The following INTS6L variants were observed in gnomAD, a reference collection of about 807,000 sequenced individuals.
INTS6L encodes integrator complex subunit 6-like.
INTS6L carries 18 observed loss-of-function variants against 64.7 expected under a neutral mutation model. The ratio of observed to expected loss-of-function variants is 0.28; its 90% confidence interval spans 0.19 to 0.41. The LOEUF (loss-of-function observed/expected upper bound fraction) is 0.41. INTS6L is among the 10% of genes least tolerant of loss of function. INTS6L has a pLI of 1.00. For missense variants in INTS6L, 533 were observed against 661.0 expected, an observed-to-expected ratio of 0.81 and a Z score of 2.12; for synonymous variants, 227 against 235.9, an observed-to-expected ratio of 0.96 and a Z score of 0.34.
At position 135,549,730 on chromosome X, in the gene INTS6L, C is replaced by T. The variant is rs1275760835; in HGVS notation, c.831C>T (p.Asn277=). ...SCHKLIYVRP[N]SKTGVPVGHW... ...ATAAACTCATTTATGTACGACCTAA[C>T]TCTAAAACTGGTGTTCCTGTTGGAC... is the stretch of plus-strand genomic sequence containing the variant. The change falls in exon 7 of 18, where the codon AAC becomes AAT. Residue 277 remains asparagine, a synonymous_variant. Transcript: ENST00000639893. 6.6e-6 allele frequency: 8 copies of T among 1,210,737 alleles called. No individual in the cohort carries two copies. The highest frequency in any genetic ancestry group is 7.8e-6 in the Non-Finnish European group (7 of 895,253).
intron 9 of INTS6L, among the ~76,000 whole-genome samples, chrX:135,558,568 A>G (rs1232661485): frequency 1.8e-5 from 2 of 111,339 alleles, no homozygotes; most frequent in African/African-American, 6.5e-5. Flanking sequence ...ATGAGGTATT[A>G]AAAGTAGTCA....
At chrX:135,544,829 AC>A (rs1449034060) in intron 2 of INTS6L, among the ~76,000 whole-genome samples, 2 of 111,310 alleles carry the variant, frequency 1.8e-5, no homozygotes, top group Non-Finnish European at 3.8e-5. Flanking sequence ...CTTTGCCAAA[AC>A]TTTTTGTTTC....
In INTS6L at chrX:135,574,082, CTT is replaced by C. The variant is rs781864864; in HGVS notation, c.1741+34_1741+35del. 3,715 of 993,188 alleles carry C rather than the reference CTT, an allele frequency of 3.7e-3. No individual in the cohort carries two copies. Among genetic ancestry groups the C allele is most frequent in the Admixed American group, 0.011 (339 of 29,711 alleles). 81.8% of individuals were successfully genotyped at this position (993,188 alleles called of 1,213,427 possible). A position where few individuals can be genotyped will look rare whatever the true frequency, so the allele number is the denominator to read the frequency against. On this transcript the variant is annotated intron_variant, in intron 13 of 17. Coordinates refer to ENST00000639893, the MANE Select transcript of INTS6L (RefSeq NM_001351601.3). ...ATGAAGGTAAAATAACTGTGAAATA[CTT>C]TTTTTTTTTTTTTGGAAAATGCCAG...
In INTS6L at chrX:135,552,111, A is replaced by G; in HGVS notation, c.1024A>G (p.Ile342Val). ...TGAACCTTCGCCCTTAACTCAGTAT[A>G]TCTTGGAACGAAAGTCTCCCCATAC... Reference protein sequence around the residue: ...ELEPSPLTQYILERKSPHTCW... With the variant: ...ELEPSPLTQYVLERKSPHTCW... The change falls in exon 8 of 18, where the codon ATC becomes GTC. Residue 342 changes from isoleucine to valine, a missense_variant. Physicochemically the swap from Ile to Val is conservative, Grantham distance 29. Transcript: ENST00000639893. 2.5e-6 allele frequency: 3 copies of G among 1,203,982 alleles called. No homozygotes were observed. Among genetic ancestry groups the G allele is most frequent in the Non-Finnish European group, 3.4e-6 (3 of 893,188 alleles).
chrX:135,572,718 G>T (rs2148669704), intron 11 of INTS6L, 97 bp from the exon 12 acceptor site: 4 of 703,257 alleles, frequency 5.7e-6, no homozygotes, highest in African/African-American at 2.2e-5. Flanking sequence ...ATTGAAAATT[G>T]TTCTGTGGGG....
chrX:135,533,362 A>G (rs1030389367), intron 2 of INTS6L, among the ~76,000 whole-genome samples: 5 of 112,338 alleles, frequency 4.5e-5, no homozygotes, highest in Non-Finnish European at 9.4e-5. Flanking sequence ...TACCACGTAA[A>G]AAGTAGCTCA....
intron 2 of INTS6L, among the ~76,000 whole-genome samples, chrX:135,542,660 CATT>C (rs1456285959): frequency 8.9e-6 from 1 of 111,930 alleles, no homozygotes; most frequent in Non-Finnish European, 1.9e-5. Context: ...GATAAGGACA[CATT>C]ATTTTAAATA....
chrX:135,539,189 G>A (rs993025296), intron 2 of INTS6L, among the ~76,000 whole-genome samples: 5 of 112,370 alleles, frequency 4.4e-5, no homozygotes, highest in African/African-American at 9.7e-5. Flanking sequence ...ATAGAAGTCC[G>A]CTTCATCTAC....
In INTS6L at chrX:135,546,199, T is replaced by A. The variant is rs781891215; in HGVS notation, c.340-181T>A. On this transcript the variant is annotated intron_variant, in intron 3 of 17. Coordinates refer to ENST00000639893, the MANE Select transcript of INTS6L (RefSeq NM_001351601.3). ...TAAGAATTCCTCAGTTTATACTGAA[T>A]GTTACCTCTTCAGGGGTTGTTATTT... 4.6e-4 allele frequency among the ~76,000 whole-genome samples: 52 copies of A among 112,406 alleles called. No individual in the cohort carries two copies. The Admixed American group carries it at 4.8e-3, about 10-fold the overall frequency.
Position 135,546,827 on chromosome X carries a change from A to G in INTS6L, c.555A>G (p.Gln185=), listed in dbSNP as rs1189583704. Reference sequence around the variant, plus strand: ...GAGTGGCTTCTACCGAACCAGAGCAACTAGGGAGCGTACCAACTGATGAAT... The same window carrying G: ...GAGTGGCTTCTACCGAACCAGAGCAGCTAGGGAGCGTACCAACTGATGAAT... ...LPGVASTEPE[Q]LGSVPTDESA... is the part of the protein sequence containing the mutation. Residue 185 remains glutamine, a synonymous_variant, in exon 5 of 18, where the codon CAA becomes CAG. Coordinates refer to ENST00000639893, the MANE Select transcript of INTS6L (RefSeq NM_001351601.3). 3 of 1,211,481 alleles carry G rather than the reference A, an allele frequency of 2.5e-6. No individual in the cohort carries two copies. The highest frequency in any genetic ancestry group is 3.0e-5 in the East Asian group (1 of 33,838).
intron 7 of INTS6L, among the ~76,000 whole-genome samples, chrX:135,550,514 C>T (rs1206594679): frequency 9.2e-6 from 1 of 108,815 alleles, no homozygotes; most frequent in Non-Finnish European, 1.9e-5. Context: ...CTTCTTTCCC[C>T]TTCCCCAAAT....
At chrX:135,563,619 A>ATGTGTGTG (rs1186644920) in intron 9 of INTS6L, among the ~76,000 whole-genome samples, 39 of 12,225 alleles carry the variant, frequency 3.2e-3, no homozygotes, top group African/African-American at 5.9e-3. Flanking sequence ...ATATATCCAT[A>ATGTGTGTG]TGTGTGTGTG....
chrX:135,561,040 C>T (rs1367960132), intron 9 of INTS6L, among the ~76,000 whole-genome samples: 3 of 101,403 alleles, frequency 3.0e-5, no homozygotes, highest in African/African-American at 1.1e-4. Context: ...GCAACCTCCA[C>T]CTCCTGGGTT....
At chrX:135,559,186 A>G (rs782208565) in intron 9 of INTS6L, among the ~76,000 whole-genome samples, 10 of 112,002 alleles carry the variant, frequency 8.9e-5, no homozygotes, top group Non-Finnish European at 1.5e-4. Context: ...AAACTACAGT[A>G]CAGTATCACA....
At chrX:135,542,248 A>G (rs898431611) in intron 2 of INTS6L, among the ~76,000 whole-genome samples, 3 of 112,009 alleles carry the variant, frequency 2.7e-5, no homozygotes, top group African/African-American at 6.5e-5. Flanking sequence ...CTGTAATCAC[A>G]GCACTTTAGG....
Position 135,581,055 on chromosome X carries a change from G to T in INTS6L, c.2500G>T (p.Glu834Ter). ...GTTTTTTTAAATATCTTCAGAATAT[G>T]AAAGAATTTTCATTTTGCTTGAAGA... is the stretch of plus-strand genomic sequence containing the variant. ...KEVRKFGRKY[E>*]RIFILLEEVQ... Residue 834 changes from glutamate (E) to a stop codon, truncating the protein, a stop_gained, in exon 17 of 18, where the codon GAA becomes TAA. Transcript: ENST00000639893. LOFTEE classifies it high-confidence loss of function. The T allele has an allele frequency of 8.6e-7, 1 of 1,157,579 alleles. No homozygotes were observed.
rs1360168130 is a variant in INTS6L, at chrX:135,581,883, CA to C, written c.*248del. On this transcript the variant is annotated 3_prime_UTR_variant, in exon 18 of 18. Coordinates refer to ENST00000639893, the MANE Select transcript of INTS6L (RefSeq NM_001351601.3). Reference sequence around the variant, plus strand: ...TGAGGAAGCTGATGTTATTAATTCACAGGCTAAATTCGGTAAACACCACTGC... The same window carrying C: ...TGAGGAAGCTGATGTTATTAATTCACGGCTAAATTCGGTAAACACCACTGC... The C allele has an allele frequency of 3.4e-6, 1 of 290,748 alleles. No individual in the cohort carries two copies. Among genetic ancestry groups the C allele is most frequent in the Non-Finnish European group, 6.0e-6 (1 of 167,106 alleles). 24.0% of individuals were successfully genotyped at this position (290,748 alleles called of 1,213,427 possible). A position where few individuals can be genotyped will look rare whatever the true frequency, so the allele number is the denominator to read the frequency against.
At chrX:135,558,288 C>T (rs1250158901) in intron 9 of INTS6L, among the ~76,000 whole-genome samples, 8 of 111,753 alleles carry the variant, frequency 7.2e-5, no homozygotes, top group Non-Finnish European at 1.3e-4. Flanking sequence ...ATCCAGCAAT[C>T]CCATTTCTGA....
chrX:135,535,270 T>C (rs1462766118), intron 2 of INTS6L, among the ~76,000 whole-genome samples: 2 of 112,123 alleles, frequency 1.8e-5, no homozygotes, highest in Admixed American at 1.9e-4. Context: ...TTTATAGGTG[T>C]GCTAGCTGTA....
Sources: allele counts gnomAD v4.1 joint callset (sites outside exome capture counted in the v4.1 genomes callset), GRCh38; gene constraint gnomAD v4.1.1; transcripts MANE v1.5; gene names NCBI Gene and HGNC (gene_info 2026-07-23, HGNC 2026-07-21).